SUCLG2: variants seen among roughly 807,000 people sequenced by gnomAD.
SUCLG2 encodes succinate-CoA ligase GDP-forming subunit beta.
Under a neutral mutation model 47.9 loss-of-function variants are expected in SUCLG2, and 42 were observed. The observed-to-expected ratio is 0.88, with a 90% CI of 0.69 to 1.14. The LOEUF (loss-of-function observed/expected upper bound fraction) is 1.14, where lower values mean the gene tolerates loss of function less well. SUCLG2 is among the 50% of genes most tolerant of loss of function. The pLI, the probability that SUCLG2 is intolerant of heterozygous loss-of-function variation, is 0.00. For synonymous variants in SUCLG2, 195 were observed against 197.3 expected, an observed-to-expected ratio of 0.99 and a Z score of 0.10; for missense variants, 571 against 525.9, an observed-to-expected ratio of 1.09 and a Z score of -0.84.
chr3:67,381,340 T>G (rs1223158170), intron 10 of SUCLG2, among the ~76,000 whole-genome samples: 1 of 152,154 alleles, frequency 6.6e-6, no homozygotes, highest in Non-Finnish European at 1.5e-5. Flanking sequence ...CAAAATGATA[T>G]TATTTGAGTA....
intron 2 of SUCLG2, among the ~76,000 whole-genome samples, chr3:67,591,188 A>T (rs1369799245): frequency 6.6e-6 from 1 of 152,192 alleles, no homozygotes; most frequent in Non-Finnish European, 1.5e-5. Flanking sequence ...CTACCATTCC[A>T]GAGAAAGGAT....
intron 2 of SUCLG2, among the ~76,000 whole-genome samples, chr3:67,541,322 T>C (rs1490975215): frequency 6.6e-6 from 1 of 152,158 alleles, no homozygotes; most frequent in Non-Finnish European, 1.5e-5. Context: ...AAAGGTTAGA[T>C]GAATTGCTAA....
chr3:67,551,022 C>G (rs61359286), intron 2 of SUCLG2, among the ~76,000 whole-genome samples: 1 of 152,240 alleles, frequency 6.6e-6, no homozygotes, highest in African/African-American at 2.4e-5. Context: ...AAATATGTTG[C>G]CTATTGGGCA....
chr3:67,640,852 G>A (rs1334790730), intron 1 of SUCLG2, among the ~76,000 whole-genome samples: 1 of 152,114 alleles, frequency 6.6e-6, no homozygotes, highest in Non-Finnish European at 1.5e-5. Context: ...AACAGTGCTT[G>A]GTGTTAGCTT....
At chr3:67,377,454 C>G (rs1702058919) in intron 10 of SUCLG2, among the ~76,000 whole-genome samples, 1 of 149,468 alleles carries the variant, frequency 6.7e-6, no homozygotes, top group Non-Finnish European at 1.5e-5. Context: ...TGGAAAGCAG[C>G]TGCCCAGCCA....
At chr3:67,377,042 T>C (rs914751592) in intron 10 of SUCLG2, among the ~76,000 whole-genome samples, 3 of 152,246 alleles carry the variant, frequency 2.0e-5, no homozygotes, top group Non-Finnish European at 2.9e-5. Context: ...AGAACTAATA[T>C]CATTAAGTGC....
intron 9 of SUCLG2, 147 bp from the exon 10 acceptor site, chr3:67,400,998 C>T (rs1702671918): frequency 3.5e-6 from 4 of 1,147,490 alleles, no homozygotes; most frequent in Admixed American, 3.3e-5. Context: ...AAAAATGGCC[C>T]AGAACATGTT....
At chr3:67,393,392 C>T (rs1702441251) in intron 10 of SUCLG2, among the ~76,000 whole-genome samples, 1 of 152,224 alleles carries the variant, frequency 6.6e-6, no homozygotes, top group Non-Finnish European at 1.5e-5. Context: ...CTCAGAGGGT[C>T]CTACGCCCAC....
intron 9 of SUCLG2, among the ~76,000 whole-genome samples, chr3:67,478,692 AG>A (rs1012421147): frequency 2.6e-5 from 4 of 152,218 alleles, no homozygotes; most frequent in African/African-American, 7.2e-5. Flanking sequence ...CAAGTAAGTG[AG>A]TGGGAAAGAA....
At chr3:67,526,100 C>T (rs1037655848) in intron 4 of SUCLG2, among the ~76,000 whole-genome samples, 3 of 152,130 alleles carry the variant, frequency 2.0e-5, no homozygotes, top group Non-Finnish European at 4.4e-5. Flanking sequence ...GTGATATGGC[C>T]TTTCTTGCTT....
chr3:67,483,879 C>A (rs990638953), intron 9 of SUCLG2, among the ~76,000 whole-genome samples: 1 of 152,152 alleles, frequency 6.6e-6, no homozygotes, highest in African/African-American at 2.4e-5. Flanking sequence ...CTGACTTGTA[C>A]CTATGGCTGA....
At chr3:67,364,250 G>C (rs973419285) in intron 10 of SUCLG2, among the ~76,000 whole-genome samples, 5 of 152,192 alleles carry the variant, frequency 3.3e-5, no homozygotes, top group African/African-American at 1.2e-4. Context: ...GCTGAGTAGA[G>C]AGTTGGTTTG....
intron 9 of SUCLG2, among the ~76,000 whole-genome samples, chr3:67,421,906 C>T (rs1012478267): frequency 3.3e-5 from 5 of 152,064 alleles, no homozygotes; most frequent in African/African-American, 2.4e-5. Flanking sequence ...AAGTCTATTT[C>T]GGTTATGTTG....
At position 67,395,637 on chromosome 3, in the gene SUCLG2, C is replaced by A. The variant is rs142846072; in HGVS notation, c.1183+5094G>T. Among the ~76,000 whole-genome samples, 747 of 152,162 alleles carry A rather than the reference C, an allele frequency of 4.9e-3. 24 individuals carry two copies. The highest frequency in any genetic ancestry group is 0.041 in the Admixed American group (619 of 15,276). On this transcript the variant is annotated intron_variant, in intron 10 of 10. Transcript: ENST00000307227. ...TGAGACAGAAAGTTAACAACGATACCCAGGAATTGAACTCAGCTCTGCACC... is the reference window on the plus strand; with the variant it reads ...TGAGACAGAAAGTTAACAACGATACACAGGAATTGAACTCAGCTCTGCACC...
chr3:67,413,675 C>T (rs1314450706), intron 9 of SUCLG2, among the ~76,000 whole-genome samples: 2 of 152,188 alleles, frequency 1.3e-5, no homozygotes, highest in African/African-American at 4.8e-5. Flanking sequence ...CGGAAGGAAA[C>T]TAAAGCTCTC....
chr3:67,644,072 A>G (rs1164157520), intron 1 of SUCLG2, among the ~76,000 whole-genome samples: 1 of 152,256 alleles, frequency 6.6e-6, no homozygotes, highest in Non-Finnish European at 1.5e-5. Flanking sequence ...ATATTTCTTA[A>G]TAGACATTTT....
At chr3:67,617,136 T>C (rs1700644391) in intron 1 of SUCLG2, among the ~76,000 whole-genome samples, 1 of 152,178 alleles carries the variant, frequency 6.6e-6, no homozygotes, top group African/African-American at 2.4e-5. Flanking sequence ...CAGATATAAC[T>C]CAATGTGTCT....
chr3:67,510,710 C>A lies in SUCLG2; in HGVS notation c.661-1807G>T, dbSNP rs1489122774. ...TATTGATATGCTATAATTCCTTTAA[C>A]CTTTCACTTAAATAATGACCAACTG... On this transcript the variant is annotated intron_variant, in intron 6 of 10. Coordinates refer to ENST00000307227, the MANE Select transcript of SUCLG2 (RefSeq NM_003848.4). Among the ~76,000 whole-genome samples the A allele has an allele frequency of 2.0e-5, 3 of 152,126 alleles. No individual in the cohort carries two copies. The East Asian group carries it at 5.8e-4, about 29-fold the overall frequency.
chr3:67,375,239 A>C lies in SUCLG2; in HGVS notation c.*505T>G. ...CCTGTAAAATCTGCAGTAGTGTGTA[A>C]TAGCTATTTGCTTGAATGTCTTAGC... On this transcript the variant is annotated 3_prime_UTR_variant, in exon 11 of 11. Coordinates refer to ENST00000307227, the MANE Select transcript of SUCLG2 (RefSeq NM_003848.4). The C allele has an allele frequency of 1.0e-6, 1 of 985,890 alleles. No homozygotes were observed. The highest frequency in any genetic ancestry group is 1.2e-6 in the Non-Finnish European group (1 of 829,950). 61.1% of individuals were successfully genotyped at this position (985,890 alleles called of 1,614,324 possible).
Sources: allele counts gnomAD v4.1 joint callset (sites outside exome capture counted in the v4.1 genomes callset), GRCh38; gene constraint gnomAD v4.1.1; transcripts MANE v1.5; gene names NCBI Gene and HGNC (gene_info 2026-07-23, HGNC 2026-07-21).